The following RALGPS1 variants were observed in gnomAD, a reference collection of about 807,000 sequenced individuals.
RALGPS1 encodes the protein ras-specific guanine nucleotide-releasing factor RalGPS1.
In RALGPS1, 19 loss-of-function variants were observed where a neutral mutation model predicts 78.8. The observed-to-expected ratio is 0.24, with a 90% CI of 0.17 to 0.35. RALGPS1 has a LOEUF of 0.35. Ranked by LOEUF, RALGPS1 falls within the 10% of genes least tolerant of loss-of-function variation. RALGPS1 has a pLI of 1.00. For missense variants in RALGPS1, 454 were observed against 688.3 expected, an observed-to-expected ratio of 0.66 and a Z score of 3.81; for synonymous variants, 228 against 256.3, an observed-to-expected ratio of 0.89 and a Z score of 1.06.
intron 11 of RALGPS1, among the ~76,000 whole-genome samples, chr9:127,180,251 T>A (rs2060133115): frequency 6.6e-6 from 1 of 152,248 alleles, no homozygotes. Flanking sequence ...TAGCCCCGCC[T>A]CCACGTGGCT....
chr9:127,198,174 G>A (rs72766212), intron 13 of RALGPS1, among the ~76,000 whole-genome samples: 38 of 152,328 alleles, frequency 2.5e-4, no homozygotes, highest in Non-Finnish European at 4.3e-4. Context: ...AAGCCCTGAT[G>A]AAGCGGCCAT....
chr9:127,124,281 C>G (rs533349389), intron 8 of RALGPS1, among the ~76,000 whole-genome samples: 60 of 152,344 alleles, frequency 3.9e-4, no homozygotes, highest in African/African-American at 1.3e-3. Context: ...AGGGCACTCT[C>G]TTTTGAAGCC....
At chr9:127,199,222 G>A (rs539979294) in intron 14 of RALGPS1, among the ~76,000 whole-genome samples, 156 bp downstream of exon 14, 81 of 152,268 alleles carry the variant, frequency 5.3e-4, no homozygotes, top group African/African-American at 1.9e-3. Flanking sequence ...GGGCTGAGTA[G>A]GAGGGAGGAT....
intron 10 of RALGPS1, among the ~76,000 whole-genome samples, chr9:127,169,468 C>T (rs1489745357): frequency 6.6e-6 from 1 of 152,014 alleles, no homozygotes; most frequent in Non-Finnish European, 1.5e-5. Context: ...GGATTTTTTT[C>T]GTGTTAACTC....
intron 4 of RALGPS1, among the ~76,000 whole-genome samples, chr9:126,981,338 A>G (rs2041233764): frequency 6.6e-6 from 1 of 152,200 alleles, no homozygotes; most frequent in African/African-American, 2.4e-5. Flanking sequence ...ATTTGAACAT[A>G]AAGGCTTCTA....
rs1305003067 is a variant in RALGPS1 at position 127,205,934 on chromosome 9, G to A, written c.1248-6197G>A. On this transcript the variant is annotated intron_variant, in intron 14 of 18. Transcript: ENST00000259351. This position sits in a 1 kb window ranked among gnomAD's most constrained non-coding sequence, Gnocchi z 4.0. The stretch of plus-strand genomic sequence containing the variant: ...AAGGATGGGGACATACAGTACAAAT[G>A]TGGTTCCTAGGGACCCACTTAGTGA... Among the ~76,000 whole-genome samples, 1 of 152,236 alleles carries A rather than the reference G, an allele frequency of 6.6e-6. No homozygotes were observed. The highest frequency in any genetic ancestry group is 2.4e-5 in the African/African-American group (1 of 41,458).
intron 7 of RALGPS1, among the ~76,000 whole-genome samples, chr9:127,065,444 A>G (rs540567547): frequency 1.6e-4 from 25 of 151,806 alleles, no homozygotes; most frequent in African/African-American, 5.6e-4. Context: ...ACATCTTGCT[A>G]TGTTGCCCAG....
intron 7 of RALGPS1, among the ~76,000 whole-genome samples, chr9:127,055,732 A>AG (rs1332152959): frequency 6.6e-6 from 1 of 152,244 alleles, no homozygotes; most frequent in Admixed American, 6.5e-5. Flanking sequence ...TGAACAAAAA[A>AG]GACAATTCCA....
At chr9:127,191,481 G>A (rs531660916) in intron 11 of RALGPS1, among the ~76,000 whole-genome samples, 14 of 152,160 alleles carry the variant, frequency 9.2e-5, no homozygotes, top group South Asian at 8.3e-4. Flanking sequence ...TGGTAATGCC[G>A]CCACCATCAG....
rs529719672 is a variant in RALGPS1, at chr9:127,161,379, C to A, written c.611-4690C>A. ...CACCGTTATTACCCTTATTCACAGT[C>A]AAGGAAACTGAGGCCCTGGGAGGTA... On this transcript the variant is annotated intron_variant, in intron 8 of 18. Coordinates refer to ENST00000259351, the MANE Select transcript of RALGPS1 (RefSeq NM_014636.3). 3.9e-5 allele frequency among the ~76,000 whole-genome samples: 6 copies of A among 152,340 alleles called. No homozygotes were observed. In the East Asian group the frequency reaches 9.6e-4, roughly 24 times the overall value.
intron 14 of RALGPS1, among the ~76,000 whole-genome samples, chr9:127,208,557 G>T (rs2062060368): frequency 6.6e-6 from 1 of 152,110 alleles, no homozygotes. Context: ...GACGGTAAGG[G>T]TGCTTTACAC....
chr9:127,184,941 C>A (rs1210073419), intron 11 of RALGPS1, among the ~76,000 whole-genome samples: 2 of 152,218 alleles, frequency 1.3e-5, no homozygotes, highest in African/African-American at 4.8e-5. Flanking sequence ...CTGTCCCAGG[C>A]AGGCCACTTG....
At chr9:127,121,022 G>A (rs1042240654) in intron 8 of RALGPS1, among the ~76,000 whole-genome samples, 1 of 151,736 alleles carries the variant, frequency 6.6e-6, no homozygotes, top group Non-Finnish European at 1.5e-5. Flanking sequence ...GAGTGGCTCC[G>A]GAGCCACACC....
chr9:127,157,306 T>A (rs2058754222), intron 8 of RALGPS1, among the ~76,000 whole-genome samples: 1 of 152,102 alleles, frequency 6.6e-6, no homozygotes, highest in South Asian at 2.1e-4. Flanking sequence ...CTTATTTACA[T>A]CTTCTTTCAA....
chr9:127,002,994 T>C (rs898934038), intron 4 of RALGPS1, among the ~76,000 whole-genome samples: 68 of 152,298 alleles, frequency 4.5e-4, no homozygotes, highest in South Asian at 1.2e-3. Context: ...ATGGTATTTC[T>C]AGTTCTAGAT....
chr9:126,961,714 T>C (rs2038916467), intron 1 of RALGPS1, among the ~76,000 whole-genome samples: 1 of 152,196 alleles, frequency 6.6e-6, no homozygotes, highest in Admixed American at 6.5e-5. Context: ...AAGGATCACC[T>C]GAGCCCAGGA....
At chr9:127,082,751 G>A (rs1226977758) in intron 8 of RALGPS1, among the ~76,000 whole-genome samples, 1 of 152,116 alleles carries the variant, frequency 6.6e-6, no homozygotes, top group Non-Finnish European at 1.5e-5. Context: ...ACCTCGTAGA[G>A]TTGTTGTGAG....
intron 4 of RALGPS1, among the ~76,000 whole-genome samples, chr9:126,992,363 C>G (rs919604943): frequency 6.6e-6 from 1 of 152,042 alleles, no homozygotes; most frequent in Non-Finnish European, 1.5e-5. Context: ...ATGAACATAC[C>G]CATCACCCCA....
At chr9:126,920,419 C>T (rs2034635739) in intron 1 of RALGPS1, among the ~76,000 whole-genome samples, 1 of 152,154 alleles carries the variant, frequency 6.6e-6, no homozygotes, top group African/African-American at 2.4e-5. Flanking sequence ...GTTGCAGATG[C>T]TGAAAGTCAA....
Sources: allele counts gnomAD v4.1 joint callset (sites outside exome capture counted in the v4.1 genomes callset), GRCh38; gene constraint gnomAD v4.1.1; non-coding constraint Gnocchi (gnomAD v3.1); transcripts MANE v1.5; gene names NCBI Gene and HGNC (gene_info 2026-07-23, HGNC 2026-07-21).